The following SHPK variants were observed in gnomAD, a reference collection of about 807,000 sequenced individuals.
SHPK encodes the protein carbohydrate kinase-like protein.
A neutral mutation model predicts 46.3 loss-of-function variants in SHPK; 51 were observed. That is an observed-to-expected ratio of 1.10 (90% CI 0.88 to 1.39). SHPK has a LOEUF of 1.39. SHPK is among the 40% of genes most tolerant of loss of function. The pLI, the probability that SHPK is intolerant of heterozygous loss-of-function variation, is 0.00. For missense variants in SHPK, 668 were observed against 641.3 expected (o/e 1.04, Z -0.45); for synonymous variants, 290 against 273.9 (o/e 1.06, Z -0.58).
At chr17:3,630,072 C>A in intron 2 of SHPK, 133 bp downstream of exon 2, 1 of 1,128,896 alleles carries the variant, frequency 8.9e-7, no homozygotes, top group South Asian at 1.3e-5. Context: ...AGCACGTATT[C>A]GTCCACTCCA....
At chr17:3,615,206 G>T in intron 6 of SHPK, 131 bp downstream of exon 6, 1 of 803,222 alleles carries the variant, frequency 1.2e-6, no homozygotes, top group Non-Finnish European at 2.0e-6. Context: ...GGAGAAATAT[G>T]CCAGGACCTG....
intron 4 of SHPK, among the ~76,000 whole-genome samples, chr17:3,623,048 C>T (rs1358335404): frequency 6.6e-6 from 1 of 152,238 alleles, no homozygotes; most frequent in Non-Finnish European, 1.5e-5. Context: ...ACTCTGAAAC[C>T]TACAGACTGG....
At chr17:3,617,602 G>A (rs896364331) in intron 5 of SHPK, among the ~76,000 whole-genome samples, 4 of 152,176 alleles carry the variant, frequency 2.6e-5, no homozygotes, top group African/African-American at 9.7e-5. Flanking sequence ...AGATAAATGA[G>A]TGAATCTTAC....
chr17:3,634,265 T>TAAA (rs34948942), intron 1 of SHPK, among the ~76,000 whole-genome samples: 2 of 136,350 alleles, frequency 1.5e-5, no homozygotes. Flanking sequence ...AGTGATCAAT[T>TAAA]AAAAAAAAAA....
At chr17:3,612,902 C>A (rs2075348701) in intron 6 of SHPK, among the ~76,000 whole-genome samples, 1 of 152,070 alleles carries the variant, frequency 6.6e-6, no homozygotes, top group Admixed American at 6.6e-5. Flanking sequence ...CAGGTGCATG[C>A]CACCACTCCA....
chr17:3,615,329 C>T lies in SHPK; in HGVS notation c.1024+8G>A, dbSNP rs2150867591. 1.9e-5 allele frequency: 30 copies of T among 1,613,978 alleles called. No homozygotes were observed. The highest frequency in any genetic ancestry group is 2.4e-5 in the Non-Finnish European group (28 of 1,179,822). The stretch of plus-strand genomic sequence containing the variant: ...AGAGAACACAGCGCTGTGTGGGCCA[C>T]ACCTTACCTAGATCTGCCATCCACT... On this transcript the variant is annotated splice_region_variant and intron_variant, in intron 6 of 6. Coordinates refer to ENST00000225519, the MANE Select transcript of SHPK (RefSeq NM_013276.4).
rs745831801 is a variant in SHPK, at chr17:3,615,518, C to T, written c.843G>A (p.Ser281=). The T allele has an allele frequency of 1.7e-5, 28 of 1,614,042 alleles. No homozygotes were observed. Among genetic ancestry groups the T allele is most frequent in the Admixed American group, 5.0e-5 (3 of 59,998 alleles). ...RTDAVLNIST[S]VQLAASMPSG... Reference sequence around the variant, plus strand: ...AAGGCATGGAGGCTGCCAGCTGAACCGAGGTGCTGATGTTGAGAACTGGGG... The same window carrying T: ...AAGGCATGGAGGCTGCCAGCTGAACTGAGGTGCTGATGTTGAGAACTGGGG... Residue 281 remains serine (S), a synonymous_variant, in exon 6 of 7, where the codon TCG becomes TCA. Coordinates refer to ENST00000225519, the MANE Select transcript of SHPK (RefSeq NM_013276.4).
chr17:3,613,903 T>G (rs1475813990), intron 6 of SHPK, among the ~76,000 whole-genome samples: 1 of 152,062 alleles, frequency 6.6e-6, no homozygotes, highest in Non-Finnish European at 1.5e-5. Flanking sequence ...CTCTTCCTCC[T>G]CTCTGGGAAA....
At chr17:3,620,811 G>A (rs982117718) in intron 5 of SHPK, among the ~76,000 whole-genome samples, 5 of 151,890 alleles carry the variant, frequency 3.3e-5, no homozygotes, top group East Asian at 3.9e-4. Context: ...CGCCTGCCTC[G>A]GCCTCCCAAA....
chr17:3,614,049 A>T (rs1472393917), intron 6 of SHPK, among the ~76,000 whole-genome samples: 2 of 152,162 alleles, frequency 1.3e-5, no homozygotes, highest in African/African-American at 4.8e-5. Flanking sequence ...GGACGAATGG[A>T]GGCGAAAGCT....
rs1288880492 is a variant in SHPK, at chr17:3,616,953, G to T, written c.824-1416C>A. Among the ~76,000 whole-genome samples the T allele has an allele frequency of 1.3e-5, 2 of 152,032 alleles. 1 individual carries two copies. Among genetic ancestry groups the T allele is most frequent in the Non-Finnish European group, 2.9e-5 (2 of 67,984 alleles). The stretch of plus-strand genomic sequence containing the variant: ...GGGGTTTCACCATGTTGGCCAGGCT[G>T]GTCTCGAACTCCTGACCTCGTGATC... On this transcript the variant is annotated intron_variant, in intron 5 of 6. Transcript: ENST00000225519.
Position 3,636,212 on chromosome 17 carries a change from G to A in SHPK, c.8C>T (p.Ala3Val), listed in dbSNP as rs2075526004. ...GTCAATGCCGAGGGTGATCGGCCGC[G>A]CAGCCATTATCTCCCTGACCCGCGC... MA[A>V]RPITLGIDLG... The change falls in exon 1 of 7, where the codon GCG becomes GTG. Residue 3 changes from alanine (A) to valine (V), a missense_variant. Physicochemically the swap from Ala to Val is moderately conservative, Grantham distance 64 (BLOSUM62 0). Coordinates refer to ENST00000225519, the MANE Select transcript of SHPK (RefSeq NM_013276.4). 3 of 1,602,748 alleles carry A rather than the reference G, an allele frequency of 1.9e-6. No homozygotes were observed. Among genetic ancestry groups the A allele is most frequent in the Non-Finnish European group, 8.5e-7 (1 of 1,172,774 alleles).
At position 3,621,415 on chromosome 17, in the gene SHPK, G is replaced by C; in HGVS notation, c.648-3C>G. ...CAGGAAAACCCGAGCTCCTCAGTCT[G>C]TAAAACAGAAGTGGACACCCACATG... On this transcript the variant is annotated splice_polypyrimidine_tract_variant and splice_region_variant and intron_variant, in intron 4 of 6. Coordinates refer to ENST00000225519, the MANE Select transcript of SHPK (RefSeq NM_013276.4). 1 of 1,613,100 alleles carries C rather than the reference G, an allele frequency of 6.2e-7. No homozygotes were observed. The highest frequency in any genetic ancestry group is 1.1e-5 in the South Asian group (1 of 90,964).
chr17:3,632,507 G>A (rs531739855), intron 1 of SHPK, among the ~76,000 whole-genome samples: 2 of 152,244 alleles, frequency 1.3e-5, no homozygotes, highest in South Asian at 2.1e-4. Context: ...GAGTTGTGTG[G>A]GGGGAGACAC....
intron 2 of SHPK, among the ~76,000 whole-genome samples, chr17:3,629,385 G>A (rs16953335): frequency 0.016 from 2,489 of 152,188 alleles, 77 homozygotes; most frequent in African/African-American, 0.058. Flanking sequence ...CCGCACTGTG[G>A]CAGATCTTCA....
rs760411733 is a variant in SHPK, at chr17:3,615,429, T to C, written c.932A>G (p.Asn311Ser). The part of the protein sequence containing the change: ...TAPVAYFPYF[N>S]RTYLGVAASL... Reference sequence around the variant, plus strand: ...CGCGGCCACCCCCAGGTAGGTCCTGTTGAAGTATGGGAAGTAGGCGACTGG... The same window carrying C: ...CGCGGCCACCCCCAGGTAGGTCCTGCTGAAGTATGGGAAGTAGGCGACTGG... Residue 311 changes from asparagine (N) to serine (S), a missense_variant, in exon 6 of 7, where the codon AAC becomes AGC. Transcript: ENST00000225519. 5 of 1,613,926 alleles carry C rather than the reference T, an allele frequency of 3.1e-6. No homozygotes were observed. The highest frequency in any genetic ancestry group is 2.7e-5 in the African/African-American group (2 of 74,874).
intron 1 of SHPK, among the ~76,000 whole-genome samples, chr17:3,632,321 C>T (rs77955082): frequency 1.3e-5 from 2 of 152,190 alleles, no homozygotes; most frequent in Admixed American, 6.5e-5. Flanking sequence ...CAGCGGCTCA[C>T]GCCTATAATC....
chr17:3,624,185 T>C lies in SHPK; in HGVS notation c.357A>G (p.Arg119=). 6.2e-7 allele frequency: 1 copy of C among 1,614,012 alleles called. No individual in the cohort carries two copies. ...EGGITPVFEP[R]AVSHLVTWQD... is the part of the protein sequence containing the mutation. ...GCCACGTGACCAGGTGGCTAACAGC[T>C]CGGGGCTCGAACACCGGGGTAATCC... The change falls in exon 3 of 7, where the codon CGA becomes CGG. Residue 119 remains arginine, a synonymous_variant. Coordinates refer to ENST00000225519, the MANE Select transcript of SHPK (RefSeq NM_013276.4).
At chr17:3,633,235 C>T (rs1400633584) in intron 1 of SHPK, among the ~76,000 whole-genome samples, 2 of 151,920 alleles carry the variant, frequency 1.3e-5, no homozygotes, top group Admixed American at 1.3e-4. Flanking sequence ...CCCACCTCCG[C>T]CTCCCAAAGT....
Sources: allele counts gnomAD v4.1 joint callset (sites outside exome capture counted in the v4.1 genomes callset), GRCh38; gene constraint gnomAD v4.1.1; transcripts MANE v1.5; gene names NCBI Gene and HGNC (gene_info 2026-07-23, HGNC 2026-07-21).